The following NOTCH2 variants were observed in gnomAD, a reference collection of about 807,000 sequenced individuals.
NOTCH2 encodes neurogenic locus notch homolog protein 2.
A neutral mutation model predicts 235.8 loss-of-function variants in NOTCH2; 29 were observed. That is an observed-to-expected ratio of 0.12 (90% confidence interval 0.09 to 0.17). The LOEUF (loss-of-function observed/expected upper bound fraction) is 0.17. Ranked by LOEUF, NOTCH2 falls within the 10% of genes least tolerant of loss-of-function variation. The pLI, the probability that NOTCH2 is intolerant of heterozygous loss-of-function variation, is 1.00. For missense variants in NOTCH2, 2,285 were observed against 3,150.2 expected (o/e 0.73, Z 6.57); for synonymous variants, 1,086 against 1,141.5 (o/e 0.95, Z 0.98).
intron 22 of NOTCH2, among the ~76,000 whole-genome samples, chr1:119,932,083 C>T (rs1261097900): frequency 1.3e-5 from 2 of 150,630 alleles, no homozygotes; most frequent in Non-Finnish European, 3.0e-5. Context: ...AATATATTCT[C>T]CACCTTAAGA....
At chr1:119,974,938 T>TGGCTGGCACC (rs1553200740) in intron 5 of NOTCH2, among the ~76,000 whole-genome samples, 32 of 152,342 alleles carry the variant, frequency 2.1e-4, no homozygotes, top group South Asian at 1.7e-3. Flanking sequence ...GCCACTGTAC[T>TGGCTGGCACC]AGACACTTGG....
chr1:119,959,411 G>A lies in NOTCH2; in HGVS notation c.2007C>T (p.Val669=). ...CTTTACCTGTGAATCCTGGTGAGCA[G>A]ACACAACTGTAGCGATTAATGCCAT... ...CMDGINRYSC[V]CSPGFTGQRC... Residue 669 remains valine (V), a synonymous_variant, in exon 12 of 34, where the codon GTC becomes GTT. Transcript: ENST00000256646. 6.2e-7 allele frequency: 1 copy of A among 1,603,940 alleles called. No individual in the cohort carries two copies. The highest frequency in any genetic ancestry group is 1.3e-5 in the African/African-American group (1 of 74,806).
intron 24 of NOTCH2, 26 bp downstream of exon 24, chr1:119,926,473 T>C: frequency 1.3e-6 from 2 of 1,517,824 alleles, no homozygotes; most frequent in Non-Finnish European, 1.8e-6. Flanking sequence ...CAATGCCCCT[T>C]CTTAGATGAG....
chr1:119,970,025 C>T (rs1302243795), intron 5 of NOTCH2, among the ~76,000 whole-genome samples: 1 of 152,052 alleles, frequency 6.6e-6, no homozygotes, highest in Non-Finnish European at 1.5e-5. Context: ...ACCTGTAGGA[C>T]CCTCGAGTTA....
intron 11 of NOTCH2, among the ~76,000 whole-genome samples, chr1:119,959,830 T>C (rs1294067091): frequency 2.0e-5 from 3 of 152,346 alleles, no homozygotes; most frequent in Non-Finnish European, 4.4e-5. Flanking sequence ...ATTATTCTAC[T>C]GCTCACCTCC....
intron 1 of NOTCH2, among the ~76,000 whole-genome samples, chr1:120,038,973 C>T (rs1470982252): frequency 6.6e-6 from 1 of 152,010 alleles, no homozygotes; most frequent in Admixed American, 6.5e-5. Context: ...TAATTTACAT[C>T]TAAATGAAAA....
chr1:120,048,445 C>CTTT lies in NOTCH2; in HGVS notation c.74-18461_74-18459dup, dbSNP rs782527466. ...TGGCAATTAGACAGGCCCAATACCA[C>CTTT]TTTTTTTTTTTTTTTTTTTTGGAGA... is the stretch of plus-strand genomic sequence containing the variant. On this transcript the variant is annotated intron_variant, in intron 1 of 33. Transcript: ENST00000256646. 1.0e-4 allele frequency among the ~76,000 whole-genome samples: 10 copies of CTTT among 100,390 alleles called. 1 individual carries two copies. Among genetic ancestry groups the CTTT allele is most frequent in the African/African-American group, 3.4e-4 (5 of 14,728 alleles). 65.9% of individuals were successfully genotyped at this position (100,390 alleles called of 152,430 possible). A position where few individuals can be genotyped will look rare whatever the true frequency, so the allele number is the denominator to read the frequency against.
At chr1:119,936,398 A>G (rs1649850892) in intron 21 of NOTCH2, among the ~76,000 whole-genome samples, 1 of 152,176 alleles carries the variant, frequency 6.6e-6, no homozygotes, top group African/African-American at 2.4e-5. Flanking sequence ...CCCAGGGTAT[A>G]TCTTGTCCTA....
At chr1:120,040,932 T>C (rs368015043) in intron 1 of NOTCH2, among the ~76,000 whole-genome samples, 2 of 145,222 alleles carry the variant, frequency 1.4e-5, no homozygotes, top group African/African-American at 5.2e-5. Flanking sequence ...TCCCAGCTAC[T>C]AGGGAGTCTG....
intron 11 of NOTCH2, among the ~76,000 whole-genome samples, chr1:119,961,417 A>G (rs1553198957): frequency 6.6e-6 from 1 of 152,132 alleles, no homozygotes; most frequent in Non-Finnish European, 1.5e-5. Context: ...CCCCCTGTCC[A>G]TGGTTTATTT....
At chr1:119,922,582 C>A (rs1207221761) in intron 27 of NOTCH2, 54 bp downstream of exon 27, 1 of 1,612,144 alleles carries the variant, frequency 6.2e-7, no homozygotes, top group Non-Finnish European at 8.5e-7. Flanking sequence ...AAATTGTTCC[C>A]CCAATTGACA....
intron 5 of NOTCH2, among the ~76,000 whole-genome samples, chr1:119,973,048 A>G (rs916714177): frequency 2.0e-5 from 3 of 152,204 alleles, no homozygotes; most frequent in East Asian, 1.9e-4. Context: ...CTGAATTTTG[A>G]AGATTAGCTG....
At chr1:119,983,562 A>G (rs1407174478) in intron 5 of NOTCH2, among the ~76,000 whole-genome samples, 1 of 152,234 alleles carries the variant, frequency 6.6e-6, no homozygotes, top group Non-Finnish European at 1.5e-5. Context: ...ACCATATAGA[A>G]TAGGATGAAT....
intron 5 of NOTCH2, among the ~76,000 whole-genome samples, chr1:119,972,678 G>C (rs1651413683): frequency 6.6e-6 from 1 of 152,212 alleles, no homozygotes; most frequent in African/African-American, 2.4e-5. Flanking sequence ...TGAGAAGCAA[G>C]CACTGTGCTT....
rs1649021629 is a variant in NOTCH2 at position 119,915,247 on chromosome 1, T to C, written c.*59A>G. On this transcript the variant is annotated 3_prime_UTR_variant, in exon 34 of 34. Transcript: ENST00000256646. ...CATTTCTCTCCCGGATGACCTTCAT[T>C]TGTTCCTCAGCAGCATTTACAAAAG... 1.9e-6 allele frequency: 3 copies of C among 1,551,554 alleles called. No homozygotes were observed. Among genetic ancestry groups the C allele is most frequent in the Non-Finnish European group, 2.7e-6 (3 of 1,128,364 alleles).
chr1:119,941,665 T>C lies in NOTCH2; in HGVS notation c.2842A>G (p.Thr948Ala). ...LPGFTGDKCQ[T>A]DMNECLSEPC... Reference sequence around the variant, plus strand: ...TCACTCAGACACTCATTCATGTCTGTCTGGCACTTATCCCCAGTGAAACCC... The same window carrying C: ...TCACTCAGACACTCATTCATGTCTGCCTGGCACTTATCCCCAGTGAAACCC... Residue 948 changes from threonine to alanine, a missense_variant, in exon 18 of 34, where the codon ACA becomes GCA. Physicochemically the swap from Thr to Ala is moderately conservative, Grantham distance 58. Coordinates refer to ENST00000256646, the MANE Select transcript of NOTCH2 (RefSeq NM_024408.4). 1 of 1,614,140 alleles carries C rather than the reference T, an allele frequency of 6.2e-7. No individual in the cohort carries two copies. The highest frequency in any genetic ancestry group is 8.5e-7 in the Non-Finnish European group (1 of 1,179,972).
chr1:119,925,279 A>C lies in NOTCH2; in HGVS notation c.4511+26T>G, dbSNP rs777556028. 3.2e-5 allele frequency: 52 copies of C among 1,612,726 alleles called. No individual in the cohort carries two copies. In the South Asian group the frequency reaches 5.5e-4, roughly 17 times the overall value. On this transcript the variant is annotated intron_variant, in intron 25 of 33. Coordinates refer to ENST00000256646, the MANE Select transcript of NOTCH2 (RefSeq NM_024408.4). ...AAGTGTGTTAGTGACAGTCCCCTTCAGTTCTGGAAAACGTGAAGCCCTTAC... is the reference window on the plus strand; with the variant it reads ...AAGTGTGTTAGTGACAGTCCCCTTCCGTTCTGGAAAACGTGAAGCCCTTAC...
At chr1:119,938,235 G>T (rs1158385941) in intron 19 of NOTCH2, among the ~76,000 whole-genome samples, 1 of 151,938 alleles carries the variant, frequency 6.6e-6, no homozygotes, top group Non-Finnish European at 1.5e-5. Flanking sequence ...TAGGTTCTTG[G>T]AAACTGTGAC....
intron 15 of NOTCH2, chr1:119,950,512 T>G: frequency 1.5e-6 from 1 of 686,370 alleles, no homozygotes; most frequent in Non-Finnish European, 2.7e-6. Flanking sequence ...TAAAGTACAA[T>G]GTAGGCAAAT....
Sources: allele counts gnomAD v4.1 joint callset (sites outside exome capture counted in the v4.1 genomes callset), GRCh38; gene constraint gnomAD v4.1.1; transcripts MANE v1.5; gene names NCBI Gene and HGNC (gene_info 2026-07-23, HGNC 2026-07-21).